Variants in RIMS2 observed in about 807,000 individuals in gnomAD.
RIMS2 encodes the protein regulating synaptic membrane exocytosis 2.
In RIMS2, 59 loss-of-function variants were observed where a neutral mutation model predicts 174.4. That is an observed-to-expected ratio of 0.34 (90% CI 0.27 to 0.42). The LOEUF (loss-of-function observed/expected upper bound fraction) is 0.42. Among genes scored for constraint, RIMS2 ranks in the 10% least tolerant of loss-of-function variants. The pLI is 1.00. For missense variants in RIMS2, 1,620 were observed against 1,666.3 expected (o/e 0.97, Z 0.48); for synonymous variants, 606 against 572.5 (o/e 1.06, Z -0.84).
rs558164201 is a variant in RIMS2, at chr8:104,197,349, G to A, written c.3335-47567G>A. Among the ~76,000 whole-genome samples, 6 of 151,916 alleles carry A rather than the reference G, an allele frequency of 3.9e-5. No homozygotes were observed. In the East Asian group the frequency reaches 1.2e-3, roughly 29 times the overall value. On this transcript the variant is annotated intron_variant, in intron 19 of 23. Transcript: ENST00000504942. ...CACCACCACACCTGGCTAATTTTTT[G>A]TATTTTTAGTAGAGATGGGGTTTCA...
chr8:103,844,005 G>A (rs1402967404), intron 3 of RIMS2, among the ~76,000 whole-genome samples: 1 of 152,150 alleles, frequency 6.6e-6, no homozygotes, highest in East Asian at 1.9e-4. Flanking sequence ...AGTCTCACGA[G>A]ATCTGGTGAT....
At chr8:103,632,954 C>G (rs1204157015) in intron 1 of RIMS2, among the ~76,000 whole-genome samples, 2 of 149,404 alleles carry the variant, frequency 1.3e-5, no homozygotes, top group Admixed American at 1.3e-4. Context: ...AGGATGATCT[C>G]TATCTCCTGA....
intron 19 of RIMS2, among the ~76,000 whole-genome samples, chr8:104,119,427 G>A (rs2098337428): frequency 6.6e-6 from 1 of 152,010 alleles, no homozygotes; most frequent in African/African-American, 2.4e-5. Context: ...CTATAAATCT[G>A]GGTTTATATA....
chr8:103,715,118 G>A (rs1223704591), intron 2 of RIMS2, among the ~76,000 whole-genome samples: 1 of 152,026 alleles, frequency 6.6e-6, no homozygotes, highest in Non-Finnish European at 1.5e-5. Flanking sequence ...CTATTGAGTG[G>A]CTATAGTGCA....
At chr8:104,172,343 G>A (rs1206278170) in intron 19 of RIMS2, among the ~76,000 whole-genome samples, 1 of 152,088 alleles carries the variant, frequency 6.6e-6, no homozygotes, top group Non-Finnish European at 1.5e-5. Context: ...ATACATGGTA[G>A]AAATGGGAGG....
rs997903759 is a variant in RIMS2, at chr8:103,845,132, A to G, written c.699-40166A>G. On this transcript the variant is annotated intron_variant, in intron 3 of 23. Coordinates refer to ENST00000504942, the Ensembl canonical transcript of RIMS2. ...TGTTGCTTGTGAAAGTTAAACCTAC[A>G]ATCACTTTAATTTTAAGCAAGTTTT... Among the ~76,000 whole-genome samples, 7 of 152,116 alleles carry G rather than the reference A, an allele frequency of 4.6e-5. No individual in the cohort carries two copies. In the South Asian group the frequency reaches 1.4e-3, roughly 31 times the overall value.
intron 19 of RIMS2, among the ~76,000 whole-genome samples, chr8:104,084,041 A>T (rs978065379): frequency 6.6e-6 from 1 of 152,140 alleles, no homozygotes; most frequent in African/African-American, 2.4e-5. Context: ...TTTGTAAACT[A>T]TAAAAAGTAT....
chr8:104,166,877 A>G (rs1447444718), intron 19 of RIMS2, among the ~76,000 whole-genome samples: 2 of 152,052 alleles, frequency 1.3e-5, no homozygotes, highest in East Asian at 1.9e-4. Context: ...AACATACAAT[A>G]TTTGGTTTTT....
chr8:103,585,703 G>T (rs763760092), intron 1 of RIMS2, among the ~76,000 whole-genome samples: 1 of 151,490 alleles, frequency 6.6e-6, no homozygotes. Context: ...ACAGTGAGGG[G>T]AACGTCACAC....
At chr8:103,701,334 G>GTGATATATATA (rs1407572375) in intron 2 of RIMS2, among the ~76,000 whole-genome samples, 1 of 152,080 alleles carries the variant, frequency 6.6e-6, no homozygotes, top group Non-Finnish European at 1.5e-5. Context: ...TGTGGTATAT[G>GTGATATATATA]TGATAATGAT....
At chr8:103,604,666 T>TG (rs1221108003) in intron 1 of RIMS2, among the ~76,000 whole-genome samples, 1 of 145,698 alleles carries the variant, frequency 6.9e-6, no homozygotes, top group Non-Finnish European at 1.5e-5. Flanking sequence ...GTATCCTCTT[T>TG]TATTTCGTTG....
At chr8:104,067,939 T>C (rs1272186157) in intron 19 of RIMS2, among the ~76,000 whole-genome samples, 1 of 152,214 alleles carries the variant, frequency 6.6e-6, no homozygotes. Flanking sequence ...ACTGGCATGG[T>C]ATGCTATCAG....
intron 19 of RIMS2, among the ~76,000 whole-genome samples, chr8:104,086,936 G>C: frequency 6.6e-6 from 1 of 152,178 alleles, no homozygotes; most frequent in South Asian, 2.1e-4. Context: ...GTGCCCAACT[G>C]TCTGTTCAGT....
intron 4 of RIMS2, among the ~76,000 whole-genome samples, chr8:103,899,305 C>A (rs2099313129): frequency 6.6e-6 from 1 of 151,786 alleles, no homozygotes; most frequent in Non-Finnish European, 1.5e-5. Context: ...ACACTGTCTT[C>A]CACAATGGTT....
At chr8:103,666,399 C>T (rs865956059) in intron 1 of RIMS2, among the ~76,000 whole-genome samples, 4 of 152,126 alleles carry the variant, frequency 2.6e-5, no homozygotes, top group South Asian at 2.1e-4. Flanking sequence ...TTTGGTCAAC[C>T]GGAGAGGTTG....
intron 15 of RIMS2, among the ~76,000 whole-genome samples, chr8:103,966,855 A>AT (rs1416856501): frequency 1.3e-5 from 2 of 151,442 alleles, no homozygotes; most frequent in Non-Finnish European, 2.9e-5. Context: ...TTCCCTTGAG[A>AT]TTTTTTTCTT....
chr8:103,689,806 A>G (rs538628975), intron 1 of RIMS2, among the ~76,000 whole-genome samples: 1 of 152,330 alleles, frequency 6.6e-6, no homozygotes, highest in South Asian at 2.1e-4. Context: ...AACTACTGAT[A>G]TCTTGAATAG....
chr8:103,875,724 C>G (rs1346409247), intron 3 of RIMS2, among the ~76,000 whole-genome samples: 1 of 152,062 alleles, frequency 6.6e-6, no homozygotes, highest in Non-Finnish European at 1.5e-5. Context: ...TACATTTCCA[C>G]CAGTGGTGTA....
At chr8:104,009,778 A>G (rs1267690527) in intron 17 of RIMS2, among the ~76,000 whole-genome samples, 1 of 152,202 alleles carries the variant, frequency 6.6e-6, no homozygotes, top group East Asian at 1.9e-4. Context: ...ACTTTTCAAG[A>G]AAACCTATTA....
Sources: gnomAD v4.1 joint callset for allele counts (sites outside exome capture counted in the v4.1 genomes callset) on GRCh38, gnomAD v4.1.1 for gene constraint, MANE v1.5 for transcripts, NCBI Gene and HGNC (gene_info 2026-07-23, HGNC 2026-07-21) for gene names.